ZNF385D: variants seen among roughly 807,000 people sequenced by gnomAD.
ZNF385D encodes zinc finger protein 385D, also known as zinc finger protein 659.
ZNF385D carries 15 observed loss-of-function variants against 35.8 expected under a neutral mutation model. The ratio of observed to expected loss-of-function variants is 0.42; its 90% CI spans 0.28 to 0.64. The LOEUF (loss-of-function observed/expected upper bound fraction) is 0.64, where lower values mean the gene tolerates loss of function less well. ZNF385D is among the 30% of genes least tolerant of loss of function. The pLI is 0.23. For missense variants in ZNF385D, 474 were observed against 494.6 expected, an observed-to-expected ratio of 0.96 and a Z score of 0.39; for synonymous variants, 212 against 186.8, an observed-to-expected ratio of 1.13 and a Z score of -1.10.
At position 21,871,716 on chromosome 3, in the gene ZNF385D, T is replaced by C. The variant is rs1697699427; in HGVS notation, c.326-206688A>G. ...CTGAACTTAGGAACAGTTTTAAAAA[T>C]TACTCCAGGCCGGGCGCAGTGGCTC... On this transcript the variant is annotated intron_variant, in intron 3 of 5. Coordinates refer to the ZNF385D transcript ENST00000494108. Among the ~76,000 whole-genome samples the C allele has an allele frequency of 2.0e-5, 3 of 152,098 alleles. No individual in the cohort carries two copies. The South Asian group carries it at 6.2e-4, about 31-fold the overall frequency.
intron 4 of ZNF385D, among the ~76,000 whole-genome samples, chr3:21,487,316 C>G (rs1705107550): frequency 6.6e-6 from 1 of 151,538 alleles, no homozygotes; most frequent in Non-Finnish European, 1.5e-5. Context: ...AAATGCAGTT[C>G]ACAATTAGTT....
chr3:22,259,969 T>C (rs1307194699), intron 2 of ZNF385D, among the ~76,000 whole-genome samples: 4 of 151,922 alleles, frequency 2.6e-5, no homozygotes, highest in African/African-American at 7.2e-5. Flanking sequence ...GAGAAAAGGA[T>C]TGTTAGGACA....
intron 3 of ZNF385D, among the ~76,000 whole-genome samples, chr3:22,035,946 A>G (rs1387075718): frequency 6.6e-6 from 1 of 152,056 alleles, no homozygotes; most frequent in African/African-American, 2.4e-5. Context: ...TTTTTCCAAG[A>G]TAAAAGACAT....
At chr3:22,163,696 G>C (rs1706119774) in intron 3 of ZNF385D, among the ~76,000 whole-genome samples, 1 of 152,062 alleles carries the variant, frequency 6.6e-6, no homozygotes, top group Non-Finnish European at 1.5e-5. Context: ...AAATACTAAA[G>C]TACCTGTTTG....
chr3:22,329,064 G>A (rs1192357321), intron 2 of ZNF385D, among the ~76,000 whole-genome samples: 11 of 125,702 alleles, frequency 8.8e-5, no homozygotes, highest in Admixed American at 1.8e-4. Context: ...GCGACAGAGC[G>A]AGACTCCGTC....
At chr3:21,903,193 A>G (rs1699500992) in intron 3 of ZNF385D, among the ~76,000 whole-genome samples, 1 of 152,180 alleles carries the variant, frequency 6.6e-6, no homozygotes, top group South Asian at 2.1e-4. Context: ...CATTTTAATA[A>G]CTAGTAATAT....
intron 3 of ZNF385D, among the ~76,000 whole-genome samples, chr3:21,936,987 T>C (rs1239195944): frequency 6.6e-6 from 1 of 152,156 alleles, no homozygotes; most frequent in East Asian, 1.9e-4. Flanking sequence ...AAAATATTTA[T>C]GGATATAAAA....
rs554932799 is a variant in ZNF385D at position 21,793,517 on chromosome 3, G to C, written c.326-128489C>G. On this transcript the variant is annotated intron_variant, in intron 3 of 5. Transcript: ENST00000494108. ...TTTTAACAAGATCCCTCTGTGATTTGTGTGCATGTTAAAATTTGAGGAGCA... is the reference window on the plus strand; with the variant it reads ...TTTTAACAAGATCCCTCTGTGATTTCTGTGCATGTTAAAATTTGAGGAGCA... 4.0e-5 allele frequency among the ~76,000 whole-genome samples: 6 copies of C among 151,310 alleles called. No homozygotes were observed. In the South Asian group the frequency reaches 1.2e-3, roughly 31 times the overall value.
chr3:21,961,317 T>C (rs1428203777), intron 3 of ZNF385D: 1 of 152,158 alleles, frequency 6.6e-6, no homozygotes, highest in Non-Finnish European at 1.5e-5. Flanking sequence ...AGGAATTTTC[T>C]TTCCTGTCAT....
intron 3 of ZNF385D, chr3:21,877,788 G>A (rs1323706994): frequency 6.6e-6 from 1 of 151,996 alleles, no homozygotes; most frequent in Admixed American, 6.6e-5. Context: ...TAGAGCTGAG[G>A]CATCAGCGTA....
intron 3 of ZNF385D, among the ~76,000 whole-genome samples, chr3:21,832,914 T>C (rs1341407518): frequency 1.3e-5 from 2 of 152,208 alleles, no homozygotes; most frequent in Admixed American, 6.5e-5. Context: ...CCCTTAATGA[T>C]ATACTTGTGG....
intron 3 of ZNF385D, among the ~76,000 whole-genome samples, chr3:22,091,731 T>C (rs1176013117): frequency 2.0e-5 from 3 of 152,192 alleles, no homozygotes; most frequent in Non-Finnish European, 2.9e-5. Flanking sequence ...GGCTGCACCA[T>C]ATGGTAAATC....
intron 3 of ZNF385D, among the ~76,000 whole-genome samples, chr3:22,057,567 T>C (rs1202236842): frequency 1.3e-5 from 2 of 151,718 alleles, no homozygotes; most frequent in East Asian, 1.9e-4. Flanking sequence ...TGGAGTGCTG[T>C]GGTGTGATCT....
chr3:21,815,058 C>T (rs2073087924), intron 3 of ZNF385D, among the ~76,000 whole-genome samples: 1 of 152,188 alleles, frequency 6.6e-6, no homozygotes, highest in Non-Finnish European at 1.5e-5. Flanking sequence ...TACATGGAAA[C>T]TGAACAACCT....
chr3:21,944,742 G>GA (rs35000541), intron 3 of ZNF385D, among the ~76,000 whole-genome samples: 39,490 of 151,742 alleles, frequency 0.26, 5,840 homozygotes, highest in Admixed American at 0.41. Flanking sequence ...TGAGAGAGGA[G>GA]AAAAAAATTT....
intron 3 of ZNF385D, among the ~76,000 whole-genome samples, chr3:21,828,609 G>A (rs376579254): frequency 6.6e-6 from 1 of 152,164 alleles, no homozygotes; most frequent in Non-Finnish European, 1.5e-5. Flanking sequence ...TGTCAGGCAG[G>A]TATGGATAGT....
chr3:22,292,816 G>A (rs941013906), intron 2 of ZNF385D, among the ~76,000 whole-genome samples: 2 of 151,900 alleles, frequency 1.3e-5, no homozygotes, highest in Admixed American at 6.6e-5. Flanking sequence ...ACTTTCTGGG[G>A]GCAAAATTCT....
At chr3:22,180,142 G>C (rs906037777) in intron 2 of ZNF385D, among the ~76,000 whole-genome samples, 5 of 152,198 alleles carry the variant, frequency 3.3e-5, no homozygotes, top group African/African-American at 9.7e-5. Flanking sequence ...ACTACCATCA[G>C]AGAATACTAT....
intron 2 of ZNF385D, among the ~76,000 whole-genome samples, chr3:22,322,155 T>C (rs1174325957): frequency 1.3e-5 from 2 of 152,188 alleles, no homozygotes; most frequent in African/African-American, 2.4e-5. Context: ...CTAGGCAATA[T>C]ATCTTTACTC....
Sources: allele counts gnomAD v4.1 joint callset (sites outside exome capture counted in the v4.1 genomes callset), GRCh38; gene constraint gnomAD v4.1.1; transcripts MANE v1.5; gene names NCBI Gene and HGNC (gene_info 2026-07-23, HGNC 2026-07-21).